Variants in SLC8A3 observed in about 807,000 individuals in gnomAD.
SLC8A3 encodes solute carrier family 8 member A3, also known as sodium/calcium exchanger 3.
SLC8A3 carries 37 observed loss-of-function variants against 65.4 expected under a neutral mutation model. The ratio of observed to expected loss-of-function variants is 0.57; its 90% CI spans 0.44 to 0.74. The LOEUF (loss-of-function observed/expected upper bound fraction) is 0.74. SLC8A3 is among the 30% of genes least tolerant of loss of function. SLC8A3 has a pLI of 0.00. For missense variants in SLC8A3, 1,112 were observed against 1,172.1 expected, an observed-to-expected ratio of 0.95 and a Z score of 0.75; for synonymous variants, 461 against 444.5, an observed-to-expected ratio of 1.04 and a Z score of -0.47.
intron 2 of SLC8A3, among the ~76,000 whole-genome samples, chr14:70,067,250 G>A (rs757933571): frequency 1.3e-4 from 20 of 152,116 alleles, no homozygotes; most frequent in Non-Finnish European, 2.8e-4. Context: ...TCACCTCTTC[G>A]GAGAGGCCTT....
At chr14:70,115,290 C>T (rs2140159509) in intron 2 of SLC8A3, among the ~76,000 whole-genome samples, 1 of 152,278 alleles carries the variant, frequency 6.6e-6, no homozygotes, top group Admixed American at 6.5e-5. Context: ...TCTCTTCCCT[C>T]AGAATTTGAG....
At chr14:70,063,432 G>T (rs549694312) in intron 2 of SLC8A3, among the ~76,000 whole-genome samples, 1 of 152,226 alleles carries the variant, frequency 6.6e-6, no homozygotes, top group Non-Finnish European at 1.5e-5. Flanking sequence ...CTGCTCTTCT[G>T]TCTGGTGCTG....
intron 2 of SLC8A3, among the ~76,000 whole-genome samples, chr14:70,117,442 A>T (rs893542747): frequency 6.6e-6 from 1 of 152,218 alleles, no homozygotes. Flanking sequence ...ATGGAGCCTT[A>T]GGGCTTAGTT....
chr14:70,051,868 A>G, intron 4 of SLC8A3, 122 bp downstream of exon 4: 1 of 742,298 alleles, frequency 1.3e-6, no homozygotes, highest in Non-Finnish European at 2.2e-6. Flanking sequence ...TGGGGTGGGT[A>G]AGTGATTTGT....
intron 2 of SLC8A3, among the ~76,000 whole-genome samples, chr14:70,144,737 A>C (rs1394002201): frequency 6.6e-6 from 1 of 152,142 alleles, no homozygotes. Flanking sequence ...TCTTTTCATG[A>C]TATTTAACAG....
intron 5 of SLC8A3, among the ~76,000 whole-genome samples, chr14:70,050,444 C>T (rs1207006679): frequency 6.6e-6 from 1 of 152,160 alleles, no homozygotes; most frequent in Non-Finnish European, 1.5e-5. Flanking sequence ...GTCCCTGTTC[C>T]AACCAGCAGT....
intron 2 of SLC8A3, among the ~76,000 whole-genome samples, chr14:70,120,545 C>T (rs550130593): frequency 7.9e-5 from 12 of 152,142 alleles, no homozygotes; most frequent in Non-Finnish European, 1.3e-4. Flanking sequence ...CTAATTATTT[C>T]GGCTCTAGCA....
At chr14:70,051,647 G>GAAT (rs1015266109) in intron 4 of SLC8A3, among the ~76,000 whole-genome samples, 3 of 152,074 alleles carry the variant, frequency 2.0e-5, no homozygotes, top group Non-Finnish European at 4.4e-5. Context: ...ATACAATAAT[G>GAAT]AATAATAATA....
At chr14:70,062,447 G>C (rs568094778) in intron 2 of SLC8A3, among the ~76,000 whole-genome samples, 1 of 152,252 alleles carries the variant, frequency 6.6e-6, no homozygotes, top group South Asian at 2.1e-4. Context: ...GATGTGTTTA[G>C]ATACACAAAT....
rs1314193099 is a variant in SLC8A3 at position 70,052,112 on chromosome 14, C to T, written c.1891G>A (p.Val631Met). Residue 631 changes from valine to methionine, a missense_variant and splice_region_variant, in exon 4 of 7, where the codon GTG becomes ATG. Transcript: ENST00000356921. ...PKWMERGISD[V>M]TDRKLTMEEE... ...TCCATAGTCAGCTTCCTGTCTGTCA[C>T]ATCTGCAACAAAACAAAATCAGACT... The T allele has an allele frequency of 3.8e-6, 6 of 1,594,724 alleles. No individual in the cohort carries two copies. The Admixed American group carries it at 1.1e-4, about 29-fold the overall frequency.
intron 2 of SLC8A3, among the ~76,000 whole-genome samples, chr14:70,085,572 C>G (rs924574444): frequency 6.6e-6 from 1 of 152,162 alleles, no homozygotes; most frequent in Admixed American, 6.5e-5. Flanking sequence ...CCATTTGGCA[C>G]CTGGTAAATG....
At position 70,158,386 on chromosome 14, in the gene SLC8A3, C is replaced by T. The variant is rs148905281; in HGVS notation, c.1784+8253G>A. Among the ~76,000 whole-genome samples, 84 of 152,118 alleles carry T rather than the reference C, an allele frequency of 5.5e-4. 1 individual carries two copies. Among genetic ancestry groups the T allele is most frequent in the African/African-American group, 1.9e-3 (78 of 41,476 alleles). On this transcript the variant is annotated intron_variant, in intron 2 of 6. Transcript: ENST00000356921. ...ATACATGGGGAGAAACCTAAAAGGT[C>T]GACAAATCAAGACCAAACAGCCTGG...
At position 70,046,198 on chromosome 14, in the gene SLC8A3, T is replaced by C; in HGVS notation, c.2515A>G (p.Ile839Val). 1 of 1,614,210 alleles carries C rather than the reference T, an allele frequency of 6.2e-7. No homozygotes were observed. ...GIGLAWSVAA[I>V]YWALQGQEFH... The stretch of plus-strand genomic sequence containing the variant: ...TCCTGTCCCTGCAGAGCCCAGTAGA[T>C]GGCGGCCACGGACCAGGCCAGGCCG... Residue 839 changes from isoleucine to valine, a missense_variant, in exon 7 of 7, where the codon ATC (isoleucine) becomes GTC (valine). Physicochemically the swap from Ile to Val is conservative, Grantham distance 29. Transcript: ENST00000356921. This position sits in a 1 kb window ranked among gnomAD's most constrained non-coding sequence, Gnocchi z 4.2.
chr14:70,161,821 CA>C (rs1896911604), intron 2 of SLC8A3, among the ~76,000 whole-genome samples: 1 of 152,186 alleles, frequency 6.6e-6, no homozygotes, highest in African/African-American at 2.4e-5. Flanking sequence ...TGGAACACTC[CA>C]GATTTTTATA....
chr14:70,112,837 C>T (rs186187080), intron 2 of SLC8A3, among the ~76,000 whole-genome samples: 5 of 152,250 alleles, frequency 3.3e-5, no homozygotes, highest in Middle Eastern at 3.4e-3. Flanking sequence ...CTTGTAGATG[C>T]CTCACTCCAG....
intron 2 of SLC8A3, among the ~76,000 whole-genome samples, chr14:70,061,461 A>G (rs945561434): frequency 6.6e-6 from 1 of 152,040 alleles, no homozygotes; most frequent in African/African-American, 2.4e-5. Context: ...ACTCACTTCC[A>G]TTGTGAGTTT....
intron 5 of SLC8A3, 57 bp from the exon 6 acceptor site, chr14:70,049,099 G>A (rs1006481955): frequency 3.3e-6 from 5 of 1,532,014 alleles, no homozygotes; most frequent in Non-Finnish European, 4.4e-6. Context: ...AATCATTCAT[G>A]AGAAAGTCAA....
intron 2 of SLC8A3, among the ~76,000 whole-genome samples, chr14:70,143,385 G>A (rs1311093666): frequency 2.0e-5 from 3 of 152,154 alleles, no homozygotes; most frequent in Non-Finnish European, 2.9e-5. Flanking sequence ...GGAGCCAGGC[G>A]TGCTTGGCTC....
chr14:70,052,029 G>C lies in SLC8A3; in HGVS notation c.1974C>G (p.Pro658=). The part of the protein sequence containing the change: ...EMGKPVLGEH[P]KLEVIIEESY... ...ACTCTTCAATGATGACTTCTAGTTT[G>C]GGGTGTTCACCCAATACTGGCTTTC... The change falls in exon 4 of 7, where the codon CCC becomes CCG. Residue 658 remains proline (P), a synonymous_variant. Coordinates refer to ENST00000356921, the MANE Select transcript of SLC8A3 (RefSeq NM_182932.3). 6.2e-7 allele frequency: 1 copy of C among 1,613,178 alleles called. No individual in the cohort carries two copies. Among genetic ancestry groups the C allele is most frequent in the Non-Finnish European group, 8.5e-7 (1 of 1,179,620 alleles).
Sources: gnomAD v4.1 joint callset for allele counts (sites outside exome capture counted in the v4.1 genomes callset) on GRCh38, gnomAD v4.1.1 for gene constraint, Gnocchi (gnomAD v3.1) non-coding constraint, MANE v1.5 for transcripts, NCBI Gene and HGNC (gene_info 2026-07-23, HGNC 2026-07-21) for gene names.